The following QTGAL variants were observed in gnomAD, a reference collection of about 807,000 sequenced individuals.
The protein encoded by QTGAL is queuosine-tRNA galactosyltransferase.
chr17:82,956,549 T>G, the QTGAL span: 2 of 926,898 alleles, frequency 2.2e-6, no homozygotes, highest in Non-Finnish European at 3.2e-6. This position sits in a 1 kb window ranked among gnomAD's most constrained non-coding sequence, Gnocchi z 5.7. Flanking sequence ...GGTGCTGTTG[T>G]GGACGGCTGT....
At chr17:82,967,218 T>C in the QTGAL span, among the ~76,000 whole-genome samples, 2 of 152,214 alleles carry the variant, frequency 1.3e-5, no homozygotes, top group African/African-American at 4.8e-5. Flanking sequence ...GGGGACACCA[T>C]GGAGCCCACG....
At chr17:83,036,214 C>T in the QTGAL span, among the ~76,000 whole-genome samples, 1 of 152,218 alleles carries the variant, frequency 6.6e-6, no homozygotes, top group African/African-American at 2.4e-5. Context: ...AGGCACCCTC[C>T]AGGGCTGTAC....
chr17:82,959,515 G>A, the QTGAL span, among the ~76,000 whole-genome samples: 1 of 152,020 alleles, frequency 6.6e-6, no homozygotes, highest in African/African-American at 2.4e-5. Flanking sequence ...GCAGACGGCT[G>A]CGGGGACTTC....
At chr17:82,965,526 G>A in the QTGAL span, 5 of 949,596 alleles carry the variant, frequency 5.3e-6, no homozygotes, top group Non-Finnish European at 7.9e-6. Context: ...TCAGGCAGGG[G>A]TTTCCTAAAT....
chr17:83,030,927 C>G, the QTGAL span: 1 of 152,266 alleles, frequency 6.6e-6, no homozygotes, highest in Non-Finnish European at 1.5e-5. Flanking sequence ...GAAAAGAAAA[C>G]CTGGTCGGCT....
the QTGAL span, among the ~76,000 whole-genome samples, chr17:83,028,910 C>T: frequency 9.9e-5 from 15 of 152,282 alleles, no homozygotes; most frequent in Non-Finnish European, 1.5e-5. Context: ...TAAGGAGCCA[C>T]CAATACACAG....
the QTGAL span, among the ~76,000 whole-genome samples, chr17:83,008,245 C>T: frequency 6.6e-6 from 1 of 152,226 alleles, no homozygotes; most frequent in Non-Finnish European, 1.5e-5. Context: ...CTAACTTTCT[C>T]CAGGTTCCTA....
the QTGAL span, chr17:83,005,118 G>A: frequency 5.6e-6 from 9 of 1,605,036 alleles, no homozygotes; most frequent in Non-Finnish European, 6.0e-6. The surrounding 1 kb of genome is among the most constrained non-coding windows in gnomAD (Gnocchi z 5.6). Context: ...GAGGTACCTG[G>A]GTTAGGAGCT....
chr17:83,038,003 G>C, the QTGAL span, among the ~76,000 whole-genome samples: 1 of 152,162 alleles, frequency 6.6e-6, no homozygotes, highest in Non-Finnish European at 1.5e-5. Context: ...TCCTCCTGGA[G>C]AGAAGAGTGG....
chr17:83,016,019 G>A, the QTGAL span, among the ~76,000 whole-genome samples: 35 of 152,322 alleles, frequency 2.3e-4, no homozygotes, highest in East Asian at 6.7e-3. Context: ...GGAAGTCGAG[G>A]TGGGGGCATG....
chr17:83,046,469 C>T, the QTGAL span, among the ~76,000 whole-genome samples: 2 of 152,166 alleles, frequency 1.3e-5, no homozygotes, highest in South Asian at 2.1e-4. Flanking sequence ...AACAAGCACA[C>T]GAAAAGAGGC....
the QTGAL span, among the ~76,000 whole-genome samples, chr17:82,956,535 C>A: frequency 6.6e-6 from 1 of 152,250 alleles, no homozygotes; most frequent in African/African-American, 2.4e-5. This position sits in a 1 kb window ranked among gnomAD's most constrained non-coding sequence, Gnocchi z 5.7. Flanking sequence ...ACAGCCTGGT[C>A]TGTGGTGCTG....
the QTGAL span, among the ~76,000 whole-genome samples, chr17:82,969,124 T>C: frequency 1.5e-5 from 2 of 134,940 alleles, no homozygotes; most frequent in Non-Finnish European, 3.2e-5. Flanking sequence ...AGAGCAAGAC[T>C]CCATTTCAGG....
At chr17:82,996,956 T>C in the QTGAL span, among the ~76,000 whole-genome samples, 3 of 152,194 alleles carry the variant, frequency 2.0e-5, no homozygotes, top group South Asian at 2.1e-4. Context: ...AAAGAAAACA[T>C]TGGGGAAATT....
At chr17:82,999,460 C>T in the QTGAL span, among the ~76,000 whole-genome samples, 1 of 152,204 alleles carries the variant, frequency 6.6e-6, no homozygotes, top group Non-Finnish European at 1.5e-5. Context: ...TGACCCCCTG[C>T]ACAGTTGAAA....
At chr17:83,002,562 A>G in the QTGAL span, among the ~76,000 whole-genome samples, 1 of 152,146 alleles carries the variant, frequency 6.6e-6, no homozygotes, top group African/African-American at 2.4e-5. Context: ...TGACCACAAG[A>G]TGGTCTCTGC....
At chr17:82,990,603 T>C in the QTGAL span, among the ~76,000 whole-genome samples, 1 of 152,260 alleles carries the variant, frequency 6.6e-6, no homozygotes, top group Non-Finnish European at 1.5e-5. Flanking sequence ...TCCATCATTA[T>C]AGTTTGGGGA....
At chr17:83,036,671 G>A in the QTGAL span, among the ~76,000 whole-genome samples, 8 of 152,184 alleles carry the variant, frequency 5.3e-5, no homozygotes, top group African/African-American at 1.9e-4. Context: ...AGAGCCTGAG[G>A]CTGTTAAGAA....
the QTGAL span, among the ~76,000 whole-genome samples, chr17:83,050,767 G>T: frequency 6.6e-6 from 1 of 152,108 alleles, no homozygotes; most frequent in Non-Finnish European, 1.5e-5. Context: ...ACGTGTTTGG[G>T]GTAAGTGTGC....
Sources: gnomAD v4.1 joint callset for allele counts (sites outside exome capture counted in the v4.1 genomes callset) on GRCh38, gnomAD v4.1.1 for gene constraint, Gnocchi (gnomAD v3.1) non-coding constraint, MANE v1.5 for transcripts, NCBI Gene and HGNC (gene_info 2026-07-23, HGNC 2026-07-21) for gene names.